Variants in ARL5C observed in about 807,000 individuals in gnomAD.
The protein encoded by ARL5C is putative ADP-ribosylation factor-like protein 5C.
A neutral mutation model predicts 20.8 loss-of-function variants in ARL5C; 21 were observed. The observed-to-expected ratio is 1.01, with a 90% confidence interval of 0.72 to 1.46. The LOEUF is 1.46. Ranked by LOEUF, ARL5C falls within the 40% of genes most tolerant of loss-of-function variation. The pLI is 0.00. For missense variants in ARL5C, 199 were observed against 225.1 expected (o/e 0.88, Z 0.74); for synonymous variants, 71 against 81.6 (o/e 0.87, Z 0.70).
chr17:39,165,997 G>A lies in ARL5C; in HGVS notation c.-237C>T, dbSNP rs779814640. 1 of 556,374 alleles carries A rather than the reference G, an allele frequency of 1.8e-6. No homozygotes were observed. Among genetic ancestry groups the A allele is most frequent in the Non-Finnish European group, 3.2e-6 (1 of 310,898 alleles). The allele number at this position is 556,374 out of a possible 1,614,324, so 34.5% of individuals were successfully genotyped here. On this transcript the variant is annotated 5_prime_UTR_variant, in exon 1 of 6. Coordinates refer to ENST00000269586, the MANE Select transcript of ARL5C (RefSeq NM_001143968.1). ...CTGTCCCGGGCCCAAGAGGTGCAAGGAATATGGGGGTTCCAGGCTCCAGCC... is the reference window on the plus strand; with the variant it reads ...CTGTCCCGGGCCCAAGAGGTGCAAGAAATATGGGGGTTCCAGGCTCCAGCC...
At chr17:39,161,224 A>G (rs2045432978) in intron 4 of ARL5C, 44 bp downstream of exon 4, 5 of 1,523,142 alleles carry the variant, frequency 3.3e-6, no homozygotes, top group Non-Finnish European at 4.5e-6. Context: ...CTGAGGGCAC[A>G]CAGCTAGTAC....
intron 5 of ARL5C, among the ~76,000 whole-genome samples, chr17:39,157,307 T>C (rs1288109319): frequency 6.6e-6 from 1 of 152,206 alleles, no homozygotes; most frequent in Non-Finnish European, 1.5e-5. Flanking sequence ...GAGACTCACC[T>C]TGCTGGGCCC....
At chr17:39,159,911 C>T (rs2045426003) in intron 5 of ARL5C, among the ~76,000 whole-genome samples, 1 of 152,242 alleles carries the variant, frequency 6.6e-6, no homozygotes, top group Non-Finnish European at 1.5e-5. Context: ...CTACTCTTCA[C>T]TCAGGTCTCA....
Position 39,162,619 on chromosome 17 carries a change from C to T in ARL5C, c.255+92G>A. Reference sequence around the variant, plus strand: ...ACCGACCATTATAATCTCTATTTCACAAGTTGGGGAACCAAGGCTCAGAAA... The same window carrying T: ...ACCGACCATTATAATCTCTATTTCATAAGTTGGGGAACCAAGGCTCAGAAA... On this transcript the variant is annotated intron_variant, in intron 3 of 5. Transcript: ENST00000269586. The T allele has an allele frequency of 2.1e-6, 3 of 1,433,966 alleles. No homozygotes were observed. In the African/African-American group the frequency reaches 4.3e-5, roughly 20 times the overall value. The allele number at this position is 1,433,966 out of a possible 1,614,324, so 88.8% of individuals were successfully genotyped here.
At chr17:39,158,101 A>AAGGGAAGG (rs1406177650) in intron 5 of ARL5C, among the ~76,000 whole-genome samples, 1 of 134,680 alleles carries the variant, frequency 7.4e-6, no homozygotes, top group Admixed American at 7.3e-5. Flanking sequence ...CCGTCGAAGA[A>AAGGGAAGG]AGGGAAGGAG....
rs951254087 is a variant in ARL5C at position 39,161,193 on chromosome 17, C to T, written c.339+75G>A. On this transcript the variant is annotated intron_variant, in intron 4 of 5. Transcript: ENST00000269586. ...AAACTGGGACAGCAGGAACGAATCT[C>T]AGAGAAGCTAAGTGACCAGCCTGAG... 5.8e-6 allele frequency: 8 copies of T among 1,383,312 alleles called. No homozygotes were observed. The African/African-American group carries it at 1.0e-4, about 17-fold the overall frequency. 85.7% of individuals were successfully genotyped at this position (1,383,312 alleles called of 1,614,324 possible). A position where few individuals can be genotyped will look rare whatever the true frequency, so the allele number is the denominator to read the frequency against.
chr17:39,160,051 G>A lies in ARL5C; in HGVS notation c.491+540C>T, dbSNP rs185540336. 4.0e-3 allele frequency: 613 copies of A among 153,706 alleles called. 8 individuals carry two copies. Among genetic ancestry groups the A allele is most frequent in the South Asian group, 0.017 (82 of 4,888 alleles). The allele number at this position is 153,706 out of a possible 1,614,324, so 9.5% of individuals were successfully genotyped here. A position where few individuals can be genotyped will look rare whatever the true frequency, so the allele number is the denominator to read the frequency against. On this transcript the variant is annotated intron_variant, in intron 5 of 5. Coordinates refer to ENST00000269586, the MANE Select transcript of ARL5C (RefSeq NM_001143968.1). ...ACTTCTCAGCACCTAAGATTATTGC[G>A]GCCAGGTGCAGTGGCTCATGCCTGT...
rs1365354825 is a variant in ARL5C, at chr17:39,163,005, T to C, written c.108-147A>G. ...AACACCTGCTCGGAGCCAGGCCCCG[T>C]GCTGGGCCCTGGGGAATGAAGACAG... On this transcript the variant is annotated intron_variant, in intron 2 of 5. Coordinates refer to ENST00000269586, the MANE Select transcript of ARL5C (RefSeq NM_001143968.1). 6.5e-6 allele frequency: 6 copies of C among 928,236 alleles called. No homozygotes were observed. In the African/African-American group the frequency reaches 1.0e-4, roughly 16 times the overall value. 57.5% of individuals were successfully genotyped at this position (928,236 alleles called of 1,614,324 possible).
At chr17:39,161,119 A>G (rs1007584369) in intron 4 of ARL5C, 149 bp downstream of exon 4, 23 of 739,214 alleles carry the variant, frequency 3.1e-5, no homozygotes, top group African/African-American at 5.2e-5. Flanking sequence ...GATGCCCTTC[A>G]TCAGGCACAA....
intron 2 of ARL5C, 113 bp downstream of exon 2, chr17:39,164,966 C>T: frequency 9.1e-7 from 1 of 1,102,032 alleles, no homozygotes; most frequent in Non-Finnish European, 1.3e-6. Flanking sequence ...ATCGCTCCTC[C>T]GGACTACAGA....
intron 2 of ARL5C, among the ~76,000 whole-genome samples, chr17:39,163,747 C>T (rs1389063061): frequency 6.8e-5 from 10 of 147,816 alleles, no homozygotes; most frequent in Non-Finnish European, 1.5e-5. Context: ...CTCTGTCGCC[C>T]AGGTTGGAGT....
intron 5 of ARL5C, among the ~76,000 whole-genome samples, chr17:39,158,678 G>A (rs576748493): frequency 2.0e-5 from 3 of 151,188 alleles, no homozygotes; most frequent in Non-Finnish European, 2.9e-5. Flanking sequence ...CAGGTAAGAC[G>A]AAAGGGAAGT....
chr17:39,160,479 G>T (rs919557818), intron 5 of ARL5C, 112 bp downstream of exon 5: 1 of 1,385,938 alleles, frequency 7.2e-7, no homozygotes, highest in Non-Finnish European at 9.8e-7. Flanking sequence ...CTTGGCCCAG[G>T]AGCCAACTGT....
intron 5 of ARL5C, 56 bp from the exon 6 acceptor site, chr17:39,156,998 C>G: frequency 6.5e-7 from 1 of 1,544,060 alleles, no homozygotes; most frequent in Non-Finnish European, 8.8e-7. Flanking sequence ...TGATGGCCTT[C>G]AAGTCTCCAG....
At chr17:39,159,785 C>T (rs2045425590) in intron 5 of ARL5C, among the ~76,000 whole-genome samples, 1 of 152,166 alleles carries the variant, frequency 6.6e-6, no homozygotes, top group Non-Finnish European at 1.5e-5. Context: ...ATTTACTCTA[C>T]AGAAACTCTA....
At chr17:39,160,854 C>T in intron 4 of ARL5C, 112 bp from the exon 5 acceptor site, 2 of 1,322,342 alleles carry the variant, frequency 1.5e-6, no homozygotes, top group Non-Finnish European at 2.0e-6. Flanking sequence ...AAGAGAGGCC[C>T]ATGCCTGGAT....
chr17:39,160,868 G>C (rs1358018515), intron 4 of ARL5C, 126 bp from the exon 5 acceptor site: 3 of 1,130,686 alleles, frequency 2.7e-6, no homozygotes, highest in Non-Finnish European at 3.7e-6. Context: ...CCTGGATGGG[G>C]CAGAGATGGG....
downstream of ARL5C, chr17:39,156,837 C>T: frequency 6.5e-7 from 1 of 1,540,958 alleles, no homozygotes. Context: ...ACTTGATTTT[C>T]CACCCATGTT....
intron 5 of ARL5C, among the ~76,000 whole-genome samples, chr17:39,159,767 A>C (rs992858824): frequency 1.3e-5 from 2 of 152,180 alleles, no homozygotes; most frequent in African/African-American, 4.8e-5. Flanking sequence ...TGTGTACTGA[A>C]TGGTGTCATT....
Sources: gnomAD v4.1 joint callset for allele counts (sites outside exome capture counted in the v4.1 genomes callset) on GRCh38, gnomAD v4.1.1 for gene constraint, MANE v1.5 for transcripts, NCBI Gene and HGNC (gene_info 2026-07-23, HGNC 2026-07-21) for gene names.